Variants in GFOD1 observed in about 807,000 individuals in gnomAD.
GFOD1 encodes the protein Gfo/Idh/MocA-like oxidoreductase domain containing 1.
A neutral mutation model predicts 25.4 loss-of-function variants in GFOD1; 9 were observed. The observed-to-expected ratio is 0.35, with a 90% CI of 0.21 to 0.62. GFOD1 has a LOEUF of 0.62. Among genes scored for constraint, GFOD1 ranks in the 20% least tolerant of loss-of-function variants. GFOD1 has a pLI of 0.72. For synonymous variants in GFOD1, 253 were observed against 245.6 expected (o/e 1.03, Z -0.28); for missense variants, 403 against 556.9 (o/e 0.72, Z 2.78).
intron 1 of GFOD1, among the ~76,000 whole-genome samples, chr6:13,400,803 A>C (rs1785826432): frequency 6.6e-6 from 1 of 152,208 alleles, no homozygotes; most frequent in Non-Finnish European, 1.5e-5. Flanking sequence ...ATGGTGAGGG[A>C]ACACAGGAGG....
At chr6:13,396,457 T>A (rs910687354) in intron 1 of GFOD1, among the ~76,000 whole-genome samples, 5 of 152,156 alleles carry the variant, frequency 3.3e-5, no homozygotes, top group Non-Finnish European at 7.3e-5. Flanking sequence ...GCAGGTGGCC[T>A]TTTCCTAGGA....
intron 1 of GFOD1, among the ~76,000 whole-genome samples, chr6:13,390,780 A>AGAGGAAGGAAGGAAGG (rs1491481409): frequency 1.7e-5 from 2 of 117,952 alleles, no homozygotes; most frequent in East Asian, 4.7e-4. Context: ...AGAGAGAGAG[A>AGAGGAAGGAAGGAAGG]AAGGAAGGAA....
At chr6:13,466,289 G>C (rs1758377859) in intron 1 of GFOD1, among the ~76,000 whole-genome samples, 1 of 152,216 alleles carries the variant, frequency 6.6e-6, no homozygotes, top group South Asian at 2.1e-4. Flanking sequence ...GAAAAGATGA[G>C]AGAAGTAAAG....
chr6:13,396,493 C>CCTTGGCAGT (rs1235574289), intron 1 of GFOD1, among the ~76,000 whole-genome samples: 2 of 152,164 alleles, frequency 1.3e-5, no homozygotes, highest in Non-Finnish European at 2.9e-5. Context: ...TCTGAGTCCT[C>CCTTGGCAGT]CTGTGTGGCA....
chr6:13,486,386 A>T (rs1047391285), intron 1 of GFOD1: 2 of 580,262 alleles, frequency 3.4e-6, no homozygotes, highest in Non-Finnish European at 3.1e-6. Context: ...CGCCTTCTCC[A>T]GCCTGCAATC....
chr6:13,371,511 C>A (rs1785154357), intron 1 of GFOD1, among the ~76,000 whole-genome samples: 1 of 152,188 alleles, frequency 6.6e-6, no homozygotes, highest in Non-Finnish European at 1.5e-5. Flanking sequence ...TTTGGGACTT[C>A]AAACAATTTC....
At chr6:13,428,230 G>A (rs1757678098) in intron 1 of GFOD1, among the ~76,000 whole-genome samples, 1 of 152,224 alleles carries the variant, frequency 6.6e-6, no homozygotes, top group African/African-American at 2.4e-5. Context: ...TCTCTGCGGT[G>A]TCTTTAGAAG....
At chr6:13,426,356 C>G (rs1300922555) in intron 1 of GFOD1, among the ~76,000 whole-genome samples, 2 of 152,164 alleles carry the variant, frequency 1.3e-5, no homozygotes, top group African/African-American at 4.8e-5. Flanking sequence ...GCTTGGTGTC[C>G]CACACACAAC....
chr6:13,391,511 C>CAAAAAAAAAACAAAAAAAAAAA (rs1785610433), intron 1 of GFOD1, among the ~76,000 whole-genome samples: 1 of 108,682 alleles, frequency 9.2e-6, no homozygotes, highest in African/African-American at 3.5e-5. Context: ...AACAAACAAA[C>CAAAAAAAAAACAAAAAAAAAAA]AAAAAAAAAA....
intron 1 of GFOD1, among the ~76,000 whole-genome samples, chr6:13,457,268 T>G (rs1266450420): frequency 6.6e-6 from 1 of 152,158 alleles, no homozygotes; most frequent in Admixed American, 6.5e-5. Flanking sequence ...GAGTCTAAAA[T>G]GGAGGGATGG....
In GFOD1 at chr6:13,364,870, G is replaced by A; in HGVS notation, c.1046C>T (p.Thr349Ile). ...DCLYALCVVD[T>I]IKRSSQTGEW... is the part of the protein sequence containing the mutation. ...GCCCGTCTGGCTGGACCTCTTGATG[G>A]TGTCCACCACGCACAAGGCATACAG... Residue 349 changes from threonine to isoleucine, a missense_variant, in exon 2 of 2, where the codon ACC becomes ATC. Coordinates refer to ENST00000379287, the MANE Select transcript of GFOD1 (RefSeq NM_018988.4). This position sits in a 1 kb window ranked among gnomAD's most constrained non-coding sequence, Gnocchi z 4.1. The A allele has an allele frequency of 6.2e-7, 1 of 1,614,008 alleles. No individual in the cohort carries two copies.
At chr6:13,465,034 A>G (rs1758355146) in intron 1 of GFOD1, among the ~76,000 whole-genome samples, 1 of 151,956 alleles carries the variant, frequency 6.6e-6, no homozygotes, top group African/African-American at 2.4e-5. Context: ...GCCAAATATA[A>G]TTGCTTCTTC....
chr6:13,464,542 A>C (rs1758346835), intron 1 of GFOD1, among the ~76,000 whole-genome samples: 1 of 152,232 alleles, frequency 6.6e-6, no homozygotes, highest in South Asian at 2.1e-4. Flanking sequence ...GTTAATTTCA[A>C]TATATCAACT....
At chr6:13,451,084 A>G (rs552648210) in intron 1 of GFOD1, among the ~76,000 whole-genome samples, 55 of 152,272 alleles carry the variant, frequency 3.6e-4, no homozygotes, top group African/African-American at 1.1e-3. Context: ...TTCTTTGTAC[A>G]CTTCGGGCAA....
chr6:13,372,167 C>T (rs546049617), intron 1 of GFOD1, among the ~76,000 whole-genome samples: 5 of 152,320 alleles, frequency 3.3e-5, no homozygotes, highest in South Asian at 2.1e-4. Context: ...CCTATGTTGC[C>T]GTGCTGTAAT....
chr6:13,453,667 A>C (rs1345440129), intron 1 of GFOD1, among the ~76,000 whole-genome samples: 2 of 152,274 alleles, frequency 1.3e-5, no homozygotes, highest in Admixed American at 6.5e-5. Context: ...ACTTAGATTT[A>C]GTGAAAGCTA....
At chr6:13,471,557 T>C (rs888066023) in intron 1 of GFOD1, among the ~76,000 whole-genome samples, 3 of 152,220 alleles carry the variant, frequency 2.0e-5, no homozygotes, top group Admixed American at 6.5e-5. Flanking sequence ...ACAGCACATC[T>C]TCTTCTCATT....
At chr6:13,464,349 A>G (rs868341215) in intron 1 of GFOD1, among the ~76,000 whole-genome samples, 69 of 152,222 alleles carry the variant, frequency 4.5e-4, no homozygotes, top group African/African-American at 1.5e-3. Context: ...GCCAGCATCC[A>G]TGCTACGGGT....
chr6:13,385,037 G>A (rs376806108), intron 1 of GFOD1, among the ~76,000 whole-genome samples: 1 of 152,278 alleles, frequency 6.6e-6, no homozygotes, highest in African/African-American at 2.4e-5. Context: ...GGTGGCAGCA[G>A]AGTTCAAGTT....
Sources: gnomAD v4.1 joint callset for allele counts (sites outside exome capture counted in the v4.1 genomes callset) on GRCh38, gnomAD v4.1.1 for gene constraint, Gnocchi (gnomAD v3.1) non-coding constraint, MANE v1.5 for transcripts, NCBI Gene and HGNC (gene_info 2026-07-23, HGNC 2026-07-21) for gene names.